The following MERTK variants were observed in gnomAD, a reference collection of about 807,000 sequenced individuals.
The protein encoded by MERTK is tyrosine-protein kinase Mer.
Under a neutral mutation model 99.3 loss-of-function variants are expected in MERTK, and 69 were observed. The observed-to-expected ratio is 0.70, with a 90% CI of 0.57 to 0.85. The LOEUF (loss-of-function observed/expected upper bound fraction) is 0.85, where lower values mean the gene tolerates loss of function less well. MERTK is among the 40% of genes least tolerant of loss of function. The pLI, the probability that MERTK is intolerant of heterozygous loss-of-function variation, is 0.00. For missense variants in MERTK, 1,125 were observed against 1,249.4 expected (o/e 0.90, Z 1.50); for synonymous variants, 426 against 467.6 (o/e 0.91, Z 1.15).
chr2:112,004,394 T>C (rs1206321853), intron 13 of MERTK, among the ~76,000 whole-genome samples: 1 of 152,136 alleles, frequency 6.6e-6, no homozygotes, highest in African/African-American at 2.4e-5. Flanking sequence ...GTGGGGCCAC[T>C]TCCTCATTTG....
chr2:111,901,536 G>A (rs1275943099), intron 1 of MERTK, among the ~76,000 whole-genome samples: 1 of 150,876 alleles, frequency 6.6e-6, no homozygotes, highest in Admixed American at 6.6e-5. Context: ...GTGCTGAGTG[G>A]AATTCTTTTC....
At chr2:111,968,291 G>A in intron 6 of MERTK, 39 bp downstream of exon 6, 1 of 1,514,756 alleles carries the variant, frequency 6.6e-7, no homozygotes, top group Non-Finnish European at 9.2e-7. Flanking sequence ...GCTGTTTGGT[G>A]CTCTCTGTGG....
At chr2:112,012,815 G>A (rs1677133830) in intron 15 of MERTK, among the ~76,000 whole-genome samples, 1 of 152,166 alleles carries the variant, frequency 6.6e-6, no homozygotes. Flanking sequence ...CATGGGGGAA[G>A]TCGGCTTAGA....
chr2:111,915,127 T>G (rs943839293), intron 1 of MERTK, among the ~76,000 whole-genome samples: 10 of 152,212 alleles, frequency 6.6e-5, no homozygotes, highest in African/African-American at 2.4e-4. Flanking sequence ...ATAGTTTATG[T>G]TTTTTGAAGA....
intron 1 of MERTK, among the ~76,000 whole-genome samples, chr2:111,915,979 A>G (rs1684342898): frequency 6.6e-6 from 1 of 152,190 alleles, no homozygotes; most frequent in South Asian, 2.1e-4. Context: ...GGTTATTTCC[A>G]TTGTAATTAG....
chr2:111,899,023 G>C (rs1411833438), intron 1 of MERTK, among the ~76,000 whole-genome samples: 1 of 152,250 alleles, frequency 6.6e-6, no homozygotes, highest in Non-Finnish European at 1.5e-5. Flanking sequence ...TTGCGGGTGC[G>C]CATCGTGGTG....
At chr2:111,944,866 C>A in intron 2 of MERTK, 94 bp from the exon 3 acceptor site, 1 of 1,039,492 alleles carries the variant, frequency 9.6e-7, no homozygotes, top group Non-Finnish European at 1.5e-6. Flanking sequence ...TTAACTATCA[C>A]AGCATATGAC....
rs1170420949 is a variant in MERTK at position 112,028,812 on chromosome 2, A to T, written c.2948A>T (p.Asp983Val). 4 of 1,614,056 alleles carry T rather than the reference A, an allele frequency of 2.5e-6. No individual in the cohort carries two copies. Among genetic ancestry groups the T allele is most frequent in the Non-Finnish European group, 3.4e-6 (4 of 1,180,020 alleles). Residue 983 changes from aspartate (D) to valine (V), a missense_variant, in exon 19 of 19, where the codon GAT becomes GTT. Physicochemically the swap from Asp to Val is radical, Grantham distance 152. Coordinates refer to ENST00000295408, the MANE Select transcript of MERTK (RefSeq NM_006343.3). ...CTGCCCTTGGGAAGCTCATTGCCCG[A>T]TGAACTTTTGTTTGCTGACGACTCC... ...SMLPLGSSLP[D>V]ELLFADDSSE...
At position 111,933,158 on chromosome 2, in the gene MERTK, G is replaced by A. The variant is rs1219908915; in HGVS notation, c.482+3618G>A. ...GAGGATGATGTTGGAGTTGCTAAAT[G>A]TGCATTGTTTTTTAGGTGAGGACAC... On this transcript the variant is annotated intron_variant, in intron 2 of 18. Coordinates refer to ENST00000295408, the MANE Select transcript of MERTK (RefSeq NM_006343.3). Among the ~76,000 whole-genome samples, 3 of 152,184 alleles carry A rather than the reference G, an allele frequency of 2.0e-5. No individual in the cohort carries two copies. In the East Asian group the frequency reaches 5.8e-4, roughly 29 times the overall value.
At chr2:111,914,234 G>A (rs1684307017) in intron 1 of MERTK, among the ~76,000 whole-genome samples, 1 of 150,500 alleles carries the variant, frequency 6.6e-6, no homozygotes, top group South Asian at 2.1e-4. Flanking sequence ...CCCCCAAGTA[G>A]CCAGGACTAC....
intron 7 of MERTK, among the ~76,000 whole-genome samples, chr2:111,982,455 T>C (rs1676391675): frequency 6.6e-6 from 1 of 152,204 alleles, no homozygotes; most frequent in Non-Finnish European, 1.5e-5. Context: ...TGATCATGTC[T>C]CACTGTAGCC....
chr2:111,946,602 A>G (rs1453749496), intron 3 of MERTK, among the ~76,000 whole-genome samples: 1 of 152,238 alleles, frequency 6.6e-6, no homozygotes, highest in Admixed American at 6.5e-5. Flanking sequence ...AAAAGCACTC[A>G]GCCTTATACA....
At chr2:111,948,397 G>A (rs1233160703) in intron 4 of MERTK, among the ~76,000 whole-genome samples, 1 of 152,134 alleles carries the variant, frequency 6.6e-6, no homozygotes, top group Non-Finnish European at 1.5e-5. Flanking sequence ...TTCCCCTTGG[G>A]AGAGTTTCTT....
At chr2:111,901,968 T>C (rs1213995729) in intron 1 of MERTK, among the ~76,000 whole-genome samples, 1 of 152,030 alleles carries the variant, frequency 6.6e-6, no homozygotes, top group Non-Finnish European at 1.5e-5. Context: ...CACCGCAACT[T>C]CCCGCCTCCC....
chr2:111,987,398 C>T (rs1389789437), intron 8 of MERTK, among the ~76,000 whole-genome samples: 2 of 152,182 alleles, frequency 1.3e-5, no homozygotes, highest in Non-Finnish European at 2.9e-5. Context: ...GATTCCTTGC[C>T]TTCCAAATCA....
intron 18 of MERTK, among the ~76,000 whole-genome samples, chr2:112,027,971 C>A (rs995964630): frequency 7.9e-5 from 12 of 152,148 alleles, no homozygotes; most frequent in Admixed American, 7.2e-4. Flanking sequence ...TCATAGATAA[C>A]GTGTAAACAA....
In MERTK at chr2:112,019,452, A is replaced by G; in HGVS notation, c.2119A>G (p.Ile707Val). 5.6e-6 allele frequency: 9 copies of G among 1,613,754 alleles called. No homozygotes were observed. Among genetic ancestry groups the G allele is most frequent in the South Asian group, 1.1e-5 (1 of 91,072 alleles). The change falls in exon 16 of 19, where the codon ATT (isoleucine) becomes GTT (valine). Residue 707 changes from isoleucine (I) to valine (V), a missense_variant. Physicochemically the swap from Ile to Val is conservative, Grantham distance 29. Coordinates refer to ENST00000295408, the MANE Select transcript of MERTK (RefSeq NM_006343.3). ...LQTLLKFMVD[I>V]ALGMEYLSNR... ...GACACTATTGAAGTTCATGGTGGAT[A>G]TTGCCCTGGGAATGGAGTATCTGAG...
chr2:111,907,558 A>G (rs1195861233), intron 1 of MERTK, among the ~76,000 whole-genome samples: 1 of 152,196 alleles, frequency 6.6e-6, no homozygotes, highest in Non-Finnish European at 1.5e-5. Flanking sequence ...ATTTCTGAGA[A>G]TATTGGATCT....
chr2:112,009,782 T>A (rs1677056570), intron 14 of MERTK, 166 bp from the exon 15 acceptor site: 1 of 667,514 alleles, frequency 1.5e-6, no homozygotes, highest in Admixed American at 2.1e-5. Context: ...TAGTGGACCC[T>A]GTGTGTGTTC....
Sources: allele counts gnomAD v4.1 joint callset (sites outside exome capture counted in the v4.1 genomes callset), GRCh38; gene constraint gnomAD v4.1.1; transcripts MANE v1.5; gene names NCBI Gene and HGNC (gene_info 2026-07-23, HGNC 2026-07-21).